Variants in SASH1 observed in about 807,000 individuals in gnomAD.
SASH1 encodes the protein SAM and SH3 domain-containing protein 1.
A neutral mutation model predicts 125.2 loss-of-function variants in SASH1; 44 were observed. That is an observed-to-expected ratio of 0.35 (90% confidence interval 0.28 to 0.45). SASH1 has a LOEUF of 0.45. Ranked by LOEUF, SASH1 falls within the 20% of genes least tolerant of loss-of-function variation. The probability of loss-of-function intolerance (pLI) is 1.00; values close to 1 mark genes in which losing one functional copy is unlikely to be tolerated. For missense variants in SASH1, 1,426 were observed against 1,614.5 expected, an observed-to-expected ratio of 0.88 and a Z score of 2.00; for synonymous variants, 639 against 649.1, an observed-to-expected ratio of 0.98 and a Z score of 0.24.
At chr6:148,349,560 G>A (rs1781648019) in intron 1 of SASH1, among the ~76,000 whole-genome samples, 1 of 152,054 alleles carries the variant, frequency 6.6e-6, no homozygotes, top group Non-Finnish European at 1.5e-5. Flanking sequence ...CACGACGCCC[G>A]CCCGGCCAGA....
intron 4 of SASH1, among the ~76,000 whole-genome samples, chr6:148,443,321 G>A (rs1354280010): frequency 2.0e-5 from 3 of 150,160 alleles, no homozygotes; most frequent in Admixed American, 6.7e-5. Context: ...GCATTATATC[G>A]GGGGCCCGTG....
chr6:148,430,294 C>G (rs1361412827), intron 2 of SASH1, among the ~76,000 whole-genome samples: 2 of 152,168 alleles, frequency 1.3e-5, no homozygotes, highest in Non-Finnish European at 2.9e-5. Context: ...GAAACGTGGA[C>G]TTCATCCTGT....
chr6:148,527,264 CAAAAAT>C, intron 11 of SASH1, 183 bp from the exon 12 acceptor site: 1 of 508,814 alleles, frequency 2.0e-6, no homozygotes, highest in Non-Finnish European at 3.3e-6. Context: ...TTTAAGCAAA[CAAAAAT>C]AGTCAATAAG....
the SASH1 span, among the ~76,000 whole-genome samples, chr6:148,259,293 C>A: frequency 6.6e-6 from 1 of 152,202 alleles, no homozygotes; most frequent in East Asian, 1.9e-4. Context: ...AGCCAAAATT[C>A]TATGAAGGGA....
chr6:148,391,345 G>A (rs1365274367), intron 2 of SASH1, among the ~76,000 whole-genome samples: 5 of 150,878 alleles, frequency 3.3e-5, no homozygotes, highest in African/African-American at 1.2e-4. Flanking sequence ...CCGACTTCAG[G>A]TGACCACCCG....
chr6:148,267,617 A>T (rs1778978143), upstream of SASH1, among the ~76,000 whole-genome samples: 2 of 152,022 alleles, frequency 1.3e-5, no homozygotes, highest in Non-Finnish European at 2.9e-5. Flanking sequence ...TGACCTCATG[A>T]TCTGCCTGTC....
At chr6:148,347,489 T>G (rs946112722) in intron 1 of SASH1, among the ~76,000 whole-genome samples, 19 of 152,244 alleles carry the variant, frequency 1.2e-4, no homozygotes, top group African/African-American at 4.3e-4. Context: ...CCTAAAAAAT[T>G]AACAAGAAAA....
At position 148,544,456 on chromosome 6, in the gene SASH1, C is replaced by T; in HGVS notation, c.2986C>T (p.Leu996Phe). The T allele has an allele frequency of 6.2e-7, 1 of 1,614,194 alleles. No homozygotes were observed. Among genetic ancestry groups the T allele is most frequent in the South Asian group, 1.1e-5 (1 of 91,086 alleles). ...TCCTGCCAAAAAGAGCAGAGAACGC[C>T]TTGCTAACGGACTCCACCCTGTTCC... ...PVPAKKSRER[L>F]ANGLHPVPMG... Residue 996 changes from leucine (L) to phenylalanine (F), a missense_variant, in exon 18 of 20, where the codon CTT becomes TTT. This residue lies in a region of SASH1 where 634 missense variants were observed against 694.4 expected (regional missense o/e 0.91). Coordinates refer to ENST00000367467, the MANE Select transcript of SASH1 (RefSeq NM_015278.5). The surrounding 1 kb of genome is among the most constrained non-coding windows in gnomAD (Gnocchi z 6.4).
At chr6:148,491,261 C>A (rs1032759939) in intron 8 of SASH1, among the ~76,000 whole-genome samples, 1 of 152,116 alleles carries the variant, frequency 6.6e-6, no homozygotes, top group Non-Finnish European at 1.5e-5. Context: ...TGTATTTGAA[C>A]ATTCATTCTT....
chr6:148,231,699 G>T, the SASH1 span, among the ~76,000 whole-genome samples: 2 of 152,042 alleles, frequency 1.3e-5, no homozygotes, highest in Admixed American at 6.6e-5. Flanking sequence ...TGATAGAAAG[G>T]TGAACATAAG....
the SASH1 span, among the ~76,000 whole-genome samples, chr6:148,197,458 C>T: frequency 6.6e-6 from 1 of 152,188 alleles, no homozygotes. Context: ...TACTTCCCTC[C>T]CTGTCCCTTG....
chr6:148,407,125 G>A (rs1032701872), intron 2 of SASH1, among the ~76,000 whole-genome samples: 11 of 152,118 alleles, frequency 7.2e-5, no homozygotes, highest in African/African-American at 2.7e-4. Flanking sequence ...ATTTTGAGTT[G>A]CAGTTCAGTG....
chr6:148,471,340 G>T, intron 5 of SASH1, 77 bp from the exon 6 acceptor site: 1 of 870,752 alleles, frequency 1.1e-6, no homozygotes. Flanking sequence ...CAAGGAAGAG[G>T]CTACTTTTGT....
intron 1 of SASH1, among the ~76,000 whole-genome samples, chr6:148,379,693 T>G (rs1461930594): frequency 6.6e-6 from 1 of 152,202 alleles, no homozygotes; most frequent in African/African-American, 2.4e-5. Context: ...TGCAATAATG[T>G]TAGATATTGA....
intron 5 of SASH1, among the ~76,000 whole-genome samples, chr6:148,469,505 G>T (rs369231587): frequency 2.0e-5 from 3 of 152,234 alleles, no homozygotes; most frequent in East Asian, 3.9e-4. Flanking sequence ...GGCCAAGGAG[G>T]GAGAATTACT....
intron 2 of SASH1, among the ~76,000 whole-genome samples, chr6:148,438,579 C>T (rs896752224): frequency 6.6e-6 from 1 of 152,176 alleles, no homozygotes; most frequent in South Asian, 2.1e-4. Flanking sequence ...CTGTTTATAA[C>T]AAGGGCCTGA....
chr6:148,393,100 G>A (rs1354119000), intron 2 of SASH1, among the ~76,000 whole-genome samples: 4 of 142,488 alleles, frequency 2.8e-5, no homozygotes, highest in Non-Finnish European at 6.0e-5. Flanking sequence ...AGGCTGGAGT[G>A]CAGTGGTGTG....
the SASH1 span, among the ~76,000 whole-genome samples, chr6:148,204,855 G>T: frequency 2.6e-5 from 4 of 151,946 alleles, no homozygotes; most frequent in African/African-American, 9.7e-5. Flanking sequence ...CAACACTTCA[G>T]TTGGTTGAAT....
chr6:148,246,103 T>C, the SASH1 span, among the ~76,000 whole-genome samples: 1 of 152,204 alleles, frequency 6.6e-6, no homozygotes, highest in Non-Finnish European at 1.5e-5. Context: ...CTTCATATTT[T>C]TCTCTTCTCT....
Sources: allele counts gnomAD v4.1 joint callset (sites outside exome capture counted in the v4.1 genomes callset), GRCh38; gene constraint gnomAD v4.1.1; regional missense constraint gnomAD v4.1.1; non-coding constraint Gnocchi (gnomAD v3.1); transcripts MANE v1.5; gene names NCBI Gene and HGNC (gene_info 2026-07-23, HGNC 2026-07-21).